Variants in DPP6 observed in about 807,000 individuals in gnomAD.
The protein encoded by DPP6 is dipeptidyl peptidase like 6, also known as A-type potassium channel modulatory protein DPP6.
DPP6 carries 69 observed loss-of-function variants against 122.6 expected under a neutral mutation model. That is an observed-to-expected ratio of 0.56 (90% confidence interval 0.46 to 0.69). The LOEUF (loss-of-function observed/expected upper bound fraction) is 0.69, where lower values mean the gene tolerates loss of function less well. Among genes scored for constraint, DPP6 ranks in the 30% least tolerant of loss-of-function variants. The probability of loss-of-function intolerance (pLI) is 0.00; values close to 1 mark genes in which losing one functional copy is unlikely to be tolerated. For missense variants in DPP6, 928 were observed against 1,116.9 expected, an observed-to-expected ratio of 0.83 and a Z score of 2.41; for synonymous variants, 418 against 433.1, an observed-to-expected ratio of 0.97 and a Z score of 0.43.
In DPP6 at chr7:154,880,234, G is replaced by A. The variant is rs146821899; in HGVS notation, c.2079-654G>A. Among the ~76,000 whole-genome samples the A allele has an allele frequency of 3.7e-3, 557 of 152,290 alleles. 1 individual carries two copies. Among genetic ancestry groups the A allele is most frequent in the African/African-American group, 0.012 (519 of 41,570 alleles). On this transcript the variant is annotated intron_variant, in intron 20 of 25. Coordinates refer to ENST00000377770, the MANE Select transcript of DPP6 (RefSeq NM_130797.4). ...TGGGGGAAGCAGAAGACCACAATGC[G>A]GGGCAAGGTCCCAGCAAGGGTGAGG... is the stretch of plus-strand genomic sequence containing the variant.
chr7:154,853,324 A>G (rs1240944437), intron 16 of DPP6, among the ~76,000 whole-genome samples: 1 of 152,032 alleles, frequency 6.6e-6, no homozygotes, highest in Non-Finnish European at 1.5e-5. Context: ...TGTTACATGA[A>G]TACGTTTTTA....
chr7:154,088,114 C>G (rs964211860), intron 1 of DPP6, among the ~76,000 whole-genome samples: 3 of 152,164 alleles, frequency 2.0e-5, no homozygotes, highest in Admixed American at 6.5e-5. Flanking sequence ...GGAAGCCCCT[C>G]GTGGCACAGC....
chr7:153,885,500 G>A (rs1798877718), upstream of DPP6, among the ~76,000 whole-genome samples: 1 of 152,212 alleles, frequency 6.6e-6, no homozygotes, highest in East Asian at 1.9e-4. Context: ...GATGCACACT[G>A]AGAAGGCGCC....
chr7:154,095,245 A>G (rs1477473830), intron 1 of DPP6: 1 of 148,378 alleles, frequency 6.7e-6, no homozygotes, highest in Non-Finnish European at 1.5e-5. Flanking sequence ...AGTTAGGAAC[A>G]GGGCACCTGC....
chr7:154,012,122 A>G (rs560998152), intron 1 of DPP6, among the ~76,000 whole-genome samples: 97 of 152,340 alleles, frequency 6.4e-4, no homozygotes, highest in Middle Eastern at 6.8e-3. Context: ...TCCTGGGGTC[A>G]CAAAGAAGAC....
intron 1 of DPP6, among the ~76,000 whole-genome samples, chr7:153,983,017 C>G: frequency 6.6e-6 from 1 of 152,296 alleles, no homozygotes; most frequent in East Asian, 1.9e-4. Flanking sequence ...TCAGGAGGTA[C>G]GGGGGTGAGG....
chr7:154,540,702 G>A lies in DPP6; in HGVS notation c.552+76G>A, dbSNP rs1563825662. The A allele has an allele frequency of 1.6e-5, 15 of 913,058 alleles. No individual in the cohort carries two copies. In the East Asian group the frequency reaches 1.7e-4, roughly 10 times the overall value. 56.6% of individuals were successfully genotyped at this position (913,058 alleles called of 1,614,324 possible). A position where few individuals can be genotyped will look rare whatever the true frequency, so the allele number is the denominator to read the frequency against. ...GTCAATAAAACAGAAAATGACTTTT[G>A]GTTTCAACTTTTAGCATAGCCAAGG... On this transcript the variant is annotated intron_variant, in intron 4 of 25. Transcript: ENST00000377770.
intron 17 of DPP6, among the ~76,000 whole-genome samples, chr7:154,865,678 T>TTGA (rs1179687436): frequency 6.6e-6 from 1 of 152,146 alleles, no homozygotes; most frequent in East Asian, 1.9e-4. Context: ...GAAACACTGG[T>TTGA]TGATAGTCTG....
the DPP6 span, among the ~76,000 whole-genome samples, chr7:153,750,832 T>C: frequency 6.6e-6 from 1 of 152,200 alleles, no homozygotes; most frequent in African/African-American, 2.4e-5. Flanking sequence ...TTTGATGGCC[T>C]AAAGTGAGAT....
At position 154,441,423 on chromosome 7, in the gene DPP6, T is replaced by C. The variant is rs188315203; in HGVS notation, c.244-4791T>C. Among the ~76,000 whole-genome samples, 228 of 152,340 alleles carry C rather than the reference T, an allele frequency of 1.5e-3. 1 individual carries two copies. Among genetic ancestry groups the C allele is most frequent in the African/African-American group, 5.4e-3 (224 of 41,576 alleles). On this transcript the variant is annotated intron_variant, in intron 1 of 25. Coordinates refer to ENST00000377770, the MANE Select transcript of DPP6 (RefSeq NM_130797.4). ...AATTATAGTGTGCTTTCAAATACAT[T>C]TACATTTAATCCTGATAACACCTAT...
At chr7:154,325,523 C>T (rs540386122) in intron 1 of DPP6, among the ~76,000 whole-genome samples, 6 of 152,268 alleles carry the variant, frequency 3.9e-5, no homozygotes, top group Admixed American at 1.3e-4. Context: ...TCTCTTTACA[C>T]GTTACCCTCA....
intron 3 of DPP6, 96 bp from the exon 4 acceptor site, chr7:154,540,436 C>A: frequency 1.3e-6 from 1 of 770,464 alleles, no homozygotes; most frequent in Non-Finnish European, 2.2e-6. Flanking sequence ...ATCTTTTTTT[C>A]AGAACTAGTG....
intron 1 of DPP6, among the ~76,000 whole-genome samples, chr7:154,234,339 A>G (rs1801079515): frequency 6.6e-6 from 1 of 152,172 alleles, no homozygotes; most frequent in African/African-American, 2.4e-5. Flanking sequence ...CAGTGATGAT[A>G]AGACACTCCC....
chr7:154,588,157 C>G, intron 5 of DPP6: 1 of 1,542,060 alleles, frequency 6.5e-7, no homozygotes, highest in East Asian at 2.3e-5. Flanking sequence ...TGTCATCAGG[C>G]CCAAGAAATA....
At chr7:153,767,416 G>A in the DPP6 span, among the ~76,000 whole-genome samples, 1 of 152,098 alleles carries the variant, frequency 6.6e-6, no homozygotes, top group Non-Finnish European at 1.5e-5. Context: ...CGCTCAGACT[G>A]GAGTACAGTG....
intron 1 of DPP6, chr7:153,968,549 G>A (rs1401454906): frequency 2.6e-5 from 4 of 151,584 alleles, no homozygotes; most frequent in Non-Finnish European, 5.9e-5. Flanking sequence ...CCTAAGTTTA[G>A]AATATTTTTA....
chr7:154,254,084 CAATTTGATGA>C (rs1384136214), intron 1 of DPP6, among the ~76,000 whole-genome samples: 2 of 152,210 alleles, frequency 1.3e-5, no homozygotes. Flanking sequence ...ATAGGGATTA[CAATTTGATGA>C]AATTTGGGTG....
intron 1 of DPP6, among the ~76,000 whole-genome samples, chr7:154,337,995 G>T (rs1809583158): frequency 6.6e-6 from 1 of 152,190 alleles, no homozygotes; most frequent in South Asian, 2.1e-4. Context: ...CTCCTCCGTT[G>T]ACTGCATTTC....
At chr7:154,177,408 A>C (rs1797858925) in intron 1 of DPP6, among the ~76,000 whole-genome samples, 1 of 152,240 alleles carries the variant, frequency 6.6e-6, no homozygotes, top group African/African-American at 2.4e-5. Context: ...GAAATAATAA[A>C]AGCCAAACTG....
Sources: gnomAD v4.1 joint callset for allele counts (sites outside exome capture counted in the v4.1 genomes callset) on GRCh38, gnomAD v4.1.1 for gene constraint, MANE v1.5 for transcripts, NCBI Gene and HGNC (gene_info 2026-07-23, HGNC 2026-07-21) for gene names.